Variants in SMG6 observed in about 807,000 individuals in gnomAD.
SMG6 encodes the protein telomerase-binding protein EST1A.
In SMG6, 66 loss-of-function variants were observed where a neutral mutation model predicts 142.2. That is an observed-to-expected ratio of 0.46 (90% CI 0.38 to 0.57). The LOEUF (loss-of-function observed/expected upper bound fraction) is 0.57. SMG6 is among the 20% of genes least tolerant of loss of function. The pLI is 0.00. For missense variants in SMG6, 1,793 were observed against 1,832.0 expected (o/e 0.98, Z 0.39); for synonymous variants, 779 against 702.4 (o/e 1.11, Z -1.72).
chr17:2,112,485 G>T (rs2069360719), intron 13 of SMG6, among the ~76,000 whole-genome samples: 1 of 150,556 alleles, frequency 6.6e-6, no homozygotes, highest in East Asian at 1.9e-4. Context: ...TCCAGCCTGG[G>T]TGACTGAGCA....
intron 18 of SMG6, among the ~76,000 whole-genome samples, chr17:2,064,866 C>T (rs562631110): frequency 4.8e-4 from 73 of 151,678 alleles, no homozygotes; most frequent in African/African-American, 1.7e-3. Flanking sequence ...AGGCTCATCT[C>T]TAGTTGGCCC....
chr17:2,230,321 A>C (rs12942348), intron 10 of SMG6, among the ~76,000 whole-genome samples: 1 of 118,310 alleles, frequency 8.5e-6, no homozygotes, highest in Non-Finnish European at 1.7e-5. Flanking sequence ...AAAAAAAAAA[A>C]AAAAAAAAAA....
At chr17:2,218,828 T>C (rs1208521792) in intron 10 of SMG6, among the ~76,000 whole-genome samples, 1 of 151,428 alleles carries the variant, frequency 6.6e-6, no homozygotes, top group Non-Finnish European at 1.5e-5. Context: ...ACTACGAACT[T>C]TGGGTGATGA....
intron 10 of SMG6, among the ~76,000 whole-genome samples, chr17:2,226,337 C>G (rs1003288196): frequency 2.6e-5 from 4 of 151,394 alleles, no homozygotes; most frequent in African/African-American, 4.9e-5. Context: ...TCCCAGGACT[C>G]TGGGAGGCCA....
intron 13 of SMG6, among the ~76,000 whole-genome samples, chr17:2,126,940 G>GCA (rs1567618501): frequency 2.0e-5 from 3 of 151,486 alleles, no homozygotes; most frequent in East Asian, 3.9e-4. Context: ...GCACACATGC[G>GCA]CACACATGCA....
intron 6 of SMG6, among the ~76,000 whole-genome samples, chr17:2,289,896 A>G (rs1033108750): frequency 6.6e-6 from 1 of 150,796 alleles, no homozygotes; most frequent in Admixed American, 6.6e-5. Flanking sequence ...GGCCTGCGCA[A>G]CAAAGCGAGG....
At chr17:2,065,875 T>C in intron 16 of SMG6, 196 bp from the exon 17 acceptor site, 1 of 594,464 alleles carries the variant, frequency 1.7e-6, no homozygotes, top group South Asian at 2.0e-5. Context: ...AGGGCTCTAC[T>C]CCCTTTCTGT....
intron 10 of SMG6, among the ~76,000 whole-genome samples, chr17:2,224,716 AAACCAACC>A (rs34427018): frequency 1.4e-4 from 22 of 152,044 alleles, no homozygotes; most frequent in African/African-American, 3.9e-4. Context: ...ACTGATAGGA[AAACCAACC>A]AACCAACCAA....
intron 8 of SMG6, among the ~76,000 whole-genome samples, chr17:2,250,608 C>T (rs372082617): frequency 6.6e-6 from 1 of 152,002 alleles, no homozygotes; most frequent in African/African-American, 2.4e-5. Flanking sequence ...GAGTCTCAAA[C>T]TCCTGGGCTC....
chr17:2,083,843 G>A (rs1244259078), intron 14 of SMG6, among the ~76,000 whole-genome samples: 3 of 152,188 alleles, frequency 2.0e-5, no homozygotes, highest in Non-Finnish European at 2.9e-5. Flanking sequence ...CACAGTAAAC[G>A]AGGAAGTGCA....
chr17:2,197,713 A>G (rs1233931082), intron 10 of SMG6, among the ~76,000 whole-genome samples: 1 of 152,238 alleles, frequency 6.6e-6, no homozygotes, highest in Non-Finnish European at 1.5e-5. Context: ...CAAATAGAAA[A>G]TAAGCACAAG....
intron 8 of SMG6, among the ~76,000 whole-genome samples, chr17:2,260,058 T>C (rs1339225877): frequency 1.3e-5 from 2 of 152,194 alleles, no homozygotes; most frequent in African/African-American, 4.8e-5. Context: ...AAGTTAAAAA[T>C]GGTCATTCAG....
intron 13 of SMG6, among the ~76,000 whole-genome samples, chr17:2,170,830 T>G (rs2071480840): frequency 6.6e-6 from 1 of 152,192 alleles, no homozygotes; most frequent in African/African-American, 2.4e-5. Context: ...GATACACTAT[T>G]CATAACTGTA....
intron 13 of SMG6, among the ~76,000 whole-genome samples, chr17:2,113,654 C>CA (rs1486666270): frequency 1.3e-5 from 2 of 152,220 alleles, no homozygotes; most frequent in Non-Finnish European, 2.9e-5. Context: ...CCCATGGCCT[C>CA]AAAACCATCA....
At position 2,061,284 on chromosome 17, in the gene SMG6, G is replaced by A. The variant is rs1489087028; in HGVS notation, c.*208C>T. 1 of 541,600 alleles carries A rather than the reference G, an allele frequency of 1.8e-6. No individual in the cohort carries two copies. Among genetic ancestry groups the A allele is most frequent in the Non-Finnish European group, 3.3e-6 (1 of 306,088 alleles). 33.5% of individuals were successfully genotyped at this position (541,600 alleles called of 1,614,324 possible). ...CCTGCTAAATCCTGGCAGCCCAGGA[G>A]GGTCCCAGCAGCTTCCGCCCGATCC... On this transcript the variant is annotated 3_prime_UTR_variant, in exon 19 of 19. Transcript: ENST00000263073.
At chr17:2,121,936 C>T (rs891338833) in intron 13 of SMG6, among the ~76,000 whole-genome samples, 1 of 152,064 alleles carries the variant, frequency 6.6e-6, no homozygotes, top group Non-Finnish European at 1.5e-5. Context: ...TGGGTTCAAG[C>T]AATTCTCATG....
chr17:2,085,765 T>A lies in SMG6; in HGVS notation c.3494A>T (p.Lys1165Met), dbSNP rs1410793851. The A allele has an allele frequency of 6.2e-7, 1 of 1,614,106 alleles. No homozygotes were observed. Among genetic ancestry groups the A allele is most frequent in the East Asian group, 2.2e-5 (1 of 44,880 alleles). ...SVAPVPDTMGKEMGSQEGTRL... is the reference protein window; with the variant it reads ...SVAPVPDTMGMEMGSQEGTRL... Reference sequence around the variant, plus strand: ...TGTTCCCTCTTGGCTTCCCATTTCCTTTCCCATGGTGTCTGGGACGGGTGC... The same window carrying A: ...TGTTCCCTCTTGGCTTCCCATTTCCATTCCCATGGTGTCTGGGACGGGTGC... Residue 1165 changes from lysine to methionine, a missense_variant, in exon 14 of 19, where the codon AAG becomes ATG. Lys to Met is a moderately conservative substitution (Grantham distance 95). This residue lies in a region of SMG6 where 1,597 missense variants were observed against 1,584.6 expected (regional missense o/e 1.01). Transcript: ENST00000263073. This position sits in a 1 kb window ranked among gnomAD's most constrained non-coding sequence, Gnocchi z 4.1.
At chr17:2,167,780 G>A (rs956491862) in intron 13 of SMG6, among the ~76,000 whole-genome samples, 2 of 152,236 alleles carry the variant, frequency 1.3e-5, no homozygotes, top group African/African-American at 2.4e-5. Flanking sequence ...AGCTGCTCAC[G>A]TTGCTGCCAC....
chr17:2,182,414 C>T (rs980511213), intron 12 of SMG6, among the ~76,000 whole-genome samples: 3 of 152,166 alleles, frequency 2.0e-5, no homozygotes, highest in Middle Eastern at 3.4e-3. Context: ...GAGAACTGTC[C>T]GATGCTGTGA....
Sources: allele counts gnomAD v4.1 joint callset (sites outside exome capture counted in the v4.1 genomes callset), GRCh38; gene constraint gnomAD v4.1.1; regional missense constraint gnomAD v4.1.1; non-coding constraint Gnocchi (gnomAD v3.1); transcripts MANE v1.5; gene names NCBI Gene and HGNC (gene_info 2026-07-23, HGNC 2026-07-21).